LARP4B: variants seen among roughly 807,000 people sequenced by gnomAD.
LARP4B encodes the protein La ribonucleoprotein 4B.
In LARP4B, 12 loss-of-function variants were observed where a neutral mutation model predicts 89.8. That is an observed-to-expected ratio of 0.13 (90% CI 0.09 to 0.22). LARP4B has a LOEUF of 0.22. Among genes scored for constraint, LARP4B ranks in the 10% least tolerant of loss-of-function variants. LARP4B has a pLI of 1.00. For synonymous variants in LARP4B, 367 were observed against 363.3 expected (o/e 1.01, Z -0.12); for missense variants, 757 against 947.7 (o/e 0.80, Z 2.64).
chr10:919,911 G>A (rs1174892506), intron 1 of LARP4B, among the ~76,000 whole-genome samples: 1 of 152,166 alleles, frequency 6.6e-6, no homozygotes, highest in African/African-American at 2.4e-5. Flanking sequence ...AAACCGGAGG[G>A]TGTTAACCAG....
At chr10:911,486 G>A (rs138473385) in intron 1 of LARP4B, among the ~76,000 whole-genome samples, 1 of 152,112 alleles carries the variant, frequency 6.6e-6, no homozygotes, top group Non-Finnish European at 1.5e-5. Flanking sequence ...GATTTTTGTG[G>A]AGGAAAATAC....
At chr10:964,780 G>A in the LARP4B span, among the ~76,000 whole-genome samples, 1 of 152,174 alleles carries the variant, frequency 6.6e-6, no homozygotes, top group Non-Finnish European at 1.5e-5. Flanking sequence ...CTGACTGTGG[G>A]GTGCCGGGGC....
intron 1 of LARP4B, among the ~76,000 whole-genome samples, chr10:909,215 A>G (rs1460273270): frequency 1.7e-4 from 26 of 148,638 alleles, no homozygotes; most frequent in Admixed American, 1.4e-3. Context: ...AATGGCGTGA[A>G]CCCGGGAGGT....
At position 814,327 on chromosome 10, in the gene LARP4B, G is replaced by A. The variant is rs1010472786; in HGVS notation, c.1929+415C>T. ...AGTCGCTGGGGTTCAGGCCTGCTGG[G>A]CCCACAGGGGTTGGAGGCTGGTGGG... On this transcript the variant is annotated intron_variant, in intron 17 of 17. Coordinates refer to ENST00000316157, the MANE Select transcript of LARP4B (RefSeq NM_015155.3). The surrounding 1 kb of genome is among the most constrained non-coding windows in gnomAD (Gnocchi z 4.4). 5.0e-5 allele frequency: 16 copies of A among 321,086 alleles called. No individual in the cohort carries two copies. The highest frequency in any genetic ancestry group is 8.6e-5 in the Non-Finnish European group (14 of 162,092). The allele number at this position is 321,086 out of a possible 1,614,324, so 19.9% of individuals were successfully genotyped here. A position where few individuals can be genotyped will look rare whatever the true frequency, so the allele number is the denominator to read the frequency against.
chr10:900,453 T>TTTTTTTTTA (rs1836309611), intron 1 of LARP4B, among the ~76,000 whole-genome samples: 1 of 117,262 alleles, frequency 8.5e-6, no homozygotes. Context: ...TTTTTTTTTT[T>TTTTTTTTTA]GAGGTAGGGT....
intron 5 of LARP4B, among the ~76,000 whole-genome samples, chr10:862,340 A>G (rs1588929164): frequency 6.6e-6 from 1 of 150,494 alleles, no homozygotes; most frequent in Non-Finnish European, 1.5e-5. Flanking sequence ...TGACTTTGAC[A>G]GTCTTAAGCC....
intron 1 of LARP4B, among the ~76,000 whole-genome samples, chr10:888,568 T>A (rs931197369): frequency 6.6e-6 from 1 of 152,124 alleles, no homozygotes; most frequent in Non-Finnish European, 1.5e-5. Context: ...ACAGCATATT[T>A]CCAGTCACAA....
At chr10:924,347 A>T (rs1366830520) in intron 1 of LARP4B, 1 of 152,236 alleles carries the variant, frequency 6.6e-6, no homozygotes, top group Non-Finnish European at 1.5e-5. Context: ...TTCAACTATG[A>T]AGAGAGGTGT....
chr10:872,980 A>C (rs1835301018), intron 3 of LARP4B: 2 of 973,268 alleles, frequency 2.1e-6, no homozygotes, highest in Middle Eastern at 5.2e-4. Context: ...TGCTGGCTCC[A>C]CTGCCAGTAC....
At chr10:956,389 A>G in the LARP4B span, among the ~76,000 whole-genome samples, 2 of 150,572 alleles carry the variant, frequency 1.3e-5, no homozygotes, top group Admixed American at 6.6e-5. This position sits in a 1 kb window ranked among gnomAD's most constrained non-coding sequence, Gnocchi z 4.3. Flanking sequence ...TGTGTCCCCC[A>G]GGCTGGAGTG....
intron 1 of LARP4B, among the ~76,000 whole-genome samples, chr10:897,102 A>T (rs1836209993): frequency 6.6e-6 from 1 of 151,972 alleles, no homozygotes; most frequent in Non-Finnish European, 1.5e-5. Context: ...AAATTGAAAG[A>T]CACACACACT....
At chr10:920,897 A>G (rs1359490032) in intron 1 of LARP4B, among the ~76,000 whole-genome samples, 1 of 152,200 alleles carries the variant, frequency 6.6e-6, no homozygotes, top group East Asian at 1.9e-4. Context: ...TGTTATGTTC[A>G]CTATTATTAT....
At chr10:825,953 G>T in intron 11 of LARP4B, 83 bp from the exon 12 acceptor site, 1 of 907,056 alleles carries the variant, frequency 1.1e-6, no homozygotes. Context: ...TGTGGAAACT[G>T]AGGGCATTTC....
the LARP4B span, among the ~76,000 whole-genome samples, chr10:950,155 G>A: frequency 6.6e-6 from 1 of 152,130 alleles, no homozygotes; most frequent in African/African-American, 2.4e-5. Context: ...TATGTAGTCT[G>A]AATATATTCA....
At chr10:886,450 T>C (rs1299730247) in intron 1 of LARP4B, among the ~76,000 whole-genome samples, 2 of 152,186 alleles carry the variant, frequency 1.3e-5, no homozygotes, top group East Asian at 1.9e-4. Flanking sequence ...TTTCTGAGTA[T>C]TTATCCAAAG....
chr10:829,977 G>A (rs1350577710), intron 9 of LARP4B, among the ~76,000 whole-genome samples: 1 of 152,134 alleles, frequency 6.6e-6, no homozygotes, highest in Non-Finnish European at 1.5e-5. Flanking sequence ...AGTATTAACA[G>A]ATGCCATAGA....
downstream of LARP4B, chr10:807,024 C>T (rs889237811): frequency 2.0e-5 from 3 of 152,304 alleles, no homozygotes; most frequent in Admixed American, 6.5e-5. Flanking sequence ...CAACTCCCTT[C>T]AGACAGGGCA....
intron 1 of LARP4B, among the ~76,000 whole-genome samples, chr10:911,395 G>A (rs908909737): frequency 9.9e-5 from 15 of 152,158 alleles, no homozygotes; most frequent in African/African-American, 3.6e-4. Context: ...TTTGGATCCT[G>A]TTTCTGGGAA....
chr10:891,073 T>C (rs1836004148), intron 1 of LARP4B, among the ~76,000 whole-genome samples: 1 of 152,126 alleles, frequency 6.6e-6, no homozygotes, highest in African/African-American at 2.4e-5. Flanking sequence ...ATACCTGTAT[T>C]TTTTTAGACA....
Sources: gnomAD v4.1 joint callset for allele counts (sites outside exome capture counted in the v4.1 genomes callset) on GRCh38, gnomAD v4.1.1 for gene constraint, Gnocchi (gnomAD v3.1) non-coding constraint, MANE v1.5 for transcripts, NCBI Gene and HGNC (gene_info 2026-07-23, HGNC 2026-07-21) for gene names.